Variants in EFCAB6 observed in about 807,000 individuals in gnomAD.
The protein encoded by EFCAB6 is EF-hand calcium binding domain 6.
In EFCAB6, 156 loss-of-function variants were observed where a neutral mutation model predicts 169.8. That is an observed-to-expected ratio of 0.92 (90% CI 0.81 to 1.05). The LOEUF (loss-of-function observed/expected upper bound fraction) is 1.05, where lower values mean the gene tolerates loss of function less well. EFCAB6 is among the 50% of genes least tolerant of loss of function. The pLI, the probability that EFCAB6 is intolerant of heterozygous loss-of-function variation, is 0.00. For missense variants in EFCAB6, 1,800 were observed against 1,829.1 expected (o/e 0.98, Z 0.29); for synonymous variants, 698 against 676.4 (o/e 1.03, Z -0.50).
At chr22:43,607,277 C>A (rs573215436) in intron 22 of EFCAB6, among the ~76,000 whole-genome samples, 1 of 152,262 alleles carries the variant, frequency 6.6e-6, no homozygotes, top group Admixed American at 6.5e-5. Flanking sequence ...TTCCAGCCCC[C>A]GCTAGCCCCA....
chr22:43,600,251 CT>C lies in EFCAB6; in HGVS notation c.2693del (p.Glu898GlyfsTer48). On this transcript the variant is annotated frameshift_variant, in exon 23 of 32. Coordinates refer to ENST00000262726, the MANE Select transcript of EFCAB6 (RefSeq NM_022785.4). LOFTEE classifies it high-confidence loss of function. ...CCTGGTAAGTAATGTGCCCTTTTCC[CT>C]CGGTGTCGTATCTTAAAACAAAAAC... ...FEKLWARYDT[E>X]GKGHITYQEF... The C allele has an allele frequency of 6.2e-7, 1 of 1,613,934 alleles. No individual in the cohort carries two copies. Among genetic ancestry groups the C allele is most frequent in the Admixed American group, 1.7e-5 (1 of 59,974 alleles).
chr22:43,725,977 T>C (rs1028139449), intron 8 of EFCAB6, among the ~76,000 whole-genome samples: 1 of 152,124 alleles, frequency 6.6e-6, no homozygotes, highest in Non-Finnish European at 1.5e-5. Context: ...GATAGGCCAA[T>C]AGGCTTTAGA....
chr22:43,528,778 C>A lies in EFCAB6; in HGVS notation c.*75G>T. 1 of 1,477,338 alleles carries A rather than the reference C, an allele frequency of 6.8e-7. No individual in the cohort carries two copies. The highest frequency in any genetic ancestry group is 9.1e-7 in the Non-Finnish European group (1 of 1,097,750). 91.5% of individuals were successfully genotyped at this position (1,477,338 alleles called of 1,614,324 possible). On this transcript the variant is annotated 3_prime_UTR_variant, in exon 32 of 32. Transcript: ENST00000262726. Reference sequence around the variant, plus strand: ...GTTTTTTTTGAAAATTCATGAAACCCCCAAATTATAGGATTTTATTAGCCT... The same window carrying A: ...GTTTTTTTTGAAAATTCATGAAACCACCAAATTATAGGATTTTATTAGCCT...
intron 26 of EFCAB6, among the ~76,000 whole-genome samples, chr22:43,562,953 C>T (rs1334866462): frequency 2.6e-5 from 4 of 152,128 alleles, no homozygotes; most frequent in African/African-American, 9.7e-5. Flanking sequence ...AGGGTCTCTC[C>T]GGGTAGGCAC....
At position 43,810,063 on chromosome 22, in the gene EFCAB6, T is replaced by TG. The variant is rs142279202; in HGVS notation, c.-144-933dup. 6.6e-3 allele frequency among the ~76,000 whole-genome samples: 997 copies of TG among 151,112 alleles called. 13 individuals are homozygous for TG. The highest frequency in any genetic ancestry group is 0.02 in the African/African-American group (827 of 41,114). On this transcript the variant is annotated intron_variant, in intron 1 of 31. Coordinates refer to ENST00000262726, the MANE Select transcript of EFCAB6 (RefSeq NM_022785.4). Reference sequence around the variant, plus strand: ...GTACAGGCACATGCCACCATAGATATGGGGGGGGTCTGACTTTGTTGCCTG... The same window carrying TG: ...GTACAGGCACATGCCACCATAGATATGGGGGGGGGTCTGACTTTGTTGCCTG...
intron 20 of EFCAB6, among the ~76,000 whole-genome samples, chr22:43,619,461 A>G (rs2053975088): frequency 6.6e-6 from 1 of 152,360 alleles, no homozygotes; most frequent in Non-Finnish European, 1.5e-5. Flanking sequence ...CATAATGCTC[A>G]ATGTAAAAGA....
At chr22:43,616,622 G>A (rs928108315) in intron 20 of EFCAB6, among the ~76,000 whole-genome samples, 19 of 152,098 alleles carry the variant, frequency 1.2e-4, no homozygotes, top group African/African-American at 4.3e-4. Context: ...TGAGATTCGT[G>A]CCATTGCACT....
In EFCAB6 at chr22:43,678,086, T is replaced by C. The variant is rs752915699; in HGVS notation, c.1329A>G (p.Glu443=). The change falls in exon 13 of 32, where the codon GAA becomes GAG. Residue 443 remains glutamate, a synonymous_variant. Coordinates refer to ENST00000262726, the MANE Select transcript of EFCAB6 (RefSeq NM_022785.4). ...NCMAVKLSDS[E]FKELMQMLDP... ...CAAGCATTTGCATTAGTTCTTTGAA[T>C]TCTGAATCGCTTAGTTTTACAGCCA... is the stretch of plus-strand genomic sequence containing the variant. The C allele has an allele frequency of 6.2e-6, 10 of 1,614,032 alleles. No homozygotes were observed. Among genetic ancestry groups the C allele is most frequent in the Non-Finnish European group, 8.5e-6 (10 of 1,180,000 alleles).
chr22:43,537,410 T>C lies in EFCAB6; in HGVS notation c.4015A>G (p.Arg1339Gly). 6.2e-7 allele frequency: 1 copy of C among 1,614,126 alleles called. No homozygotes were observed. The highest frequency in any genetic ancestry group is 8.5e-7 in the Non-Finnish European group (1 of 1,180,014). ...TCGGAGGCGTTGATGTCCCCCTGTC[T>C]GGCCACGTCCTTCTCCTTGCATTCT... ...LKECKEKDVA[R>G]QGDINASDFL... Residue 1339 changes from arginine to glycine, a missense_variant, in exon 29 of 32, where the codon AGA (arginine) becomes GGA (glycine). Physicochemically the swap from Arg to Gly is moderately radical, Grantham distance 125 (BLOSUM62 -2). Coordinates refer to ENST00000262726, the MANE Select transcript of EFCAB6 (RefSeq NM_022785.4). The surrounding 1 kb of genome is among the most constrained non-coding windows in gnomAD (Gnocchi z 4.3).
chr22:43,644,013 G>A lies in EFCAB6; in HGVS notation c.1984-8797C>T, dbSNP rs113966478. Among the ~76,000 whole-genome samples, 4 of 151,858 alleles carry A rather than the reference G, an allele frequency of 2.6e-5. No individual in the cohort carries two copies. In the South Asian group the frequency reaches 6.3e-4, roughly 24 times the overall value. ...AAATTTTTGTATTTTTAGTAGAGAC[G>A]GGGTTTCACCATGTTGGCCCGGCTG... On this transcript the variant is annotated intron_variant, in intron 17 of 31. Coordinates refer to ENST00000262726, the MANE Select transcript of EFCAB6 (RefSeq NM_022785.4).
chr22:43,783,716 T>C (rs2061910445), intron 2 of EFCAB6, among the ~76,000 whole-genome samples: 2 of 152,060 alleles, frequency 1.3e-5, no homozygotes, highest in African/African-American at 2.4e-5. Context: ...CAACAAAACA[T>C]GGAAAGGGAT....
intron 22 of EFCAB6, among the ~76,000 whole-genome samples, chr22:43,603,465 G>C (rs909072319): frequency 6.6e-5 from 10 of 152,222 alleles, no homozygotes; most frequent in Non-Finnish European, 1.0e-4. Context: ...GGATGGTGAC[G>C]GCCACTAATT....
chr22:43,610,733 A>G (rs1003684025), intron 21 of EFCAB6, among the ~76,000 whole-genome samples: 1 of 152,230 alleles, frequency 6.6e-6, no homozygotes, highest in Admixed American at 6.5e-5. Flanking sequence ...ATAACTTAAA[A>G]AAAAATTATG....
At chr22:43,734,065 G>T (rs571934837) in intron 7 of EFCAB6, among the ~76,000 whole-genome samples, 1 of 152,240 alleles carries the variant, frequency 6.6e-6, no homozygotes, top group Non-Finnish European at 1.5e-5. Context: ...CTACTCTGAG[G>T]CCCTAGAACC....
chr22:43,632,051 G>C, intron 19 of EFCAB6, 54 bp downstream of exon 19: 1 of 1,597,010 alleles, frequency 6.3e-7, no homozygotes, highest in Admixed American at 1.7e-5. Flanking sequence ...TGGGCTGCGT[G>C]GTTGGGAGCA....
At chr22:43,529,916 G>A (rs1361300579) in intron 31 of EFCAB6, among the ~76,000 whole-genome samples, 2 of 152,228 alleles carry the variant, frequency 1.3e-5, no homozygotes, top group East Asian at 1.9e-4. Flanking sequence ...ATATAAAGAT[G>A]AGGCCATACA....
intron 10 of EFCAB6, among the ~76,000 whole-genome samples, chr22:43,700,997 G>C (rs939040382): frequency 6.6e-6 from 1 of 152,082 alleles, no homozygotes; most frequent in Non-Finnish European, 1.5e-5. Context: ...TTTAATAAAA[G>C]ATAAATAAAA....
chr22:43,565,566 C>T (rs2049368994), intron 26 of EFCAB6, among the ~76,000 whole-genome samples: 2 of 152,180 alleles, frequency 1.3e-5, no homozygotes, highest in South Asian at 2.1e-4. Context: ...CGGTCACCCA[C>T]CCTAGAACAA....
chr22:43,629,323 T>A (rs979519310), intron 19 of EFCAB6, among the ~76,000 whole-genome samples: 2 of 152,222 alleles, frequency 1.3e-5, no homozygotes, highest in Non-Finnish European at 2.9e-5. Flanking sequence ...GACGGTGCCA[T>A]GTACTAGAGG....
Sources: gnomAD v4.1 joint callset for allele counts (sites outside exome capture counted in the v4.1 genomes callset) on GRCh38, gnomAD v4.1.1 for gene constraint, Gnocchi (gnomAD v3.1) non-coding constraint, MANE v1.5 for transcripts, NCBI Gene and HGNC (gene_info 2026-07-23, HGNC 2026-07-21) for gene names.